The following SCRT2 variants were observed in gnomAD, a reference collection of about 807,000 sequenced individuals.
SCRT2 encodes transcriptional repressor scratch 2.
Under a neutral mutation model 3.7 loss-of-function variants are expected in SCRT2, and 2 were observed. The observed-to-expected ratio is 0.54, with a 90% CI of 0.22 to 1.70. The LOEUF (loss-of-function observed/expected upper bound fraction) is 1.70. SCRT2 is among the 40% of genes most tolerant of loss of function. The pLI, the probability that SCRT2 is intolerant of heterozygous loss-of-function variation, is 0.19. For missense variants in SCRT2, 456 were observed against 468.5 expected (o/e 0.97, Z 0.25); for synonymous variants, 256 against 220.6 (o/e 1.16, Z -1.42).
intron 1 of SCRT2, among the ~76,000 whole-genome samples, chr20:674,709 GTGTGTGTGTGTGTGTGTGTGTGTA>G (rs1018663781): frequency 4.6e-4 from 44 of 95,594 alleles, no homozygotes; most frequent in Admixed American, 3.5e-3. Context: ...GTGTGTGTGT[GTGTGTGTGTGTGTGTGTGTGTGTA>G]TGTGTAGTGA....
intron 1 of SCRT2, among the ~76,000 whole-genome samples, chr20:668,934 T>C (rs1984241331): frequency 6.6e-6 from 1 of 152,182 alleles, no homozygotes. Flanking sequence ...GACATTGCCC[T>C]GTGCCCAGAG....
At chr20:674,831 G>A (rs984562297) in intron 1 of SCRT2, among the ~76,000 whole-genome samples, 1 of 152,194 alleles carries the variant, frequency 6.6e-6, no homozygotes, top group Non-Finnish European at 1.5e-5. Flanking sequence ...AGGGGACCAG[G>A]AGCCACTTTG....
Position 663,847 on chromosome 20 carries a change from C to T in SCRT2, c.748G>A (p.Ala250Thr), listed in dbSNP as rs1241111930. Reference protein sequence around the residue: ...FGCAHCGKAFADRSNLRAHMQ... With the variant: ...FGCAHCGKAFTDRSNLRAHMQ... ...TGCGCGCGCAGGTTGGAGCGGTCGG[C>T]GAAGGCCTTGCCGCAGTGCGCGCAG... Residue 250 changes from alanine to threonine, a missense_variant, in exon 2 of 2, where the codon GCC (alanine) becomes ACC (threonine). Ala to Thr is a moderately conservative substitution (Grantham distance 58, BLOSUM62 0). This residue lies in a region of SCRT2 where 144 missense variants were observed against 141.9 expected (regional missense o/e 1.01). Transcript: ENST00000246104. This position sits in a 1 kb window ranked among gnomAD's most constrained non-coding sequence, Gnocchi z 6.9. The T allele has an allele frequency of 6.3e-7, 1 of 1,597,540 alleles. No homozygotes were observed. Among genetic ancestry groups the T allele is most frequent in the Non-Finnish European group, 8.5e-7 (1 of 1,174,370 alleles).
In SCRT2 at chr20:663,590, G is replaced by T; in HGVS notation, c.*81C>A. 1 of 1,241,542 alleles carries T rather than the reference G, an allele frequency of 8.1e-7. No individual in the cohort carries two copies. The highest frequency in any genetic ancestry group is 1.0e-6 in the Non-Finnish European group (1 of 978,598). 76.9% of individuals were successfully genotyped at this position (1,241,542 alleles called of 1,614,324 possible). The stretch of plus-strand genomic sequence containing the variant: ...TGGGCAGGGAAACGCAGCCGGGGCT[G>T]GGCGAGGGCGCTGCGGGCGCAGGTA... On this transcript the variant is annotated 3_prime_UTR_variant, in exon 2 of 2. Transcript: ENST00000246104. This position sits in a 1 kb window ranked among gnomAD's most constrained non-coding sequence, Gnocchi z 6.9.
rs1305479615 is a variant in SCRT2, at chr20:664,136, G to C, written c.459C>G (p.His153Gln). ...TGCCGCACTCGGCGCACGCGTGCCGGTGCCCGCCGCCCGCCTGCGCCCCCG... is the reference window on the plus strand; with the variant it reads ...TGCCGCACTCGGCGCACGCGTGCCGCTGCCCGCCGCCCGCCTGCGCCCCCG... ...GRAGAQAGGG[H>Q]RHACAECGKT... The change falls in exon 2 of 2, where the codon CAC (histidine) becomes CAG (glutamine). Residue 153 changes from histidine (H) to glutamine (Q), a missense_variant. His to Gln is a conservative substitution (Grantham distance 24, BLOSUM62 0). This residue lies in a region of SCRT2 where 306 missense variants were observed against 305.3 expected (regional missense o/e 1.00). Coordinates refer to ENST00000246104, the MANE Select transcript of SCRT2 (RefSeq NM_033129.4). The surrounding 1 kb of genome is among the most constrained non-coding windows in gnomAD (Gnocchi z 7.9). 2 of 1,466,132 alleles carry C rather than the reference G, an allele frequency of 1.4e-6. No individual in the cohort carries two copies. The highest frequency in any genetic ancestry group is 2.7e-5 in the South Asian group (2 of 75,368). The allele number at this position is 1,466,132 out of a possible 1,614,324, so 90.8% of individuals were successfully genotyped here. A position where few individuals can be genotyped will look rare whatever the true frequency, so the allele number is the denominator to read the frequency against.
Position 664,528 on chromosome 20 carries a change from C to G in SCRT2, c.134-67G>C, listed in dbSNP as rs2122342917. 8.8e-7 allele frequency: 1 copy of G among 1,141,078 alleles called. No homozygotes were observed. The highest frequency in any genetic ancestry group is 1.1e-6 in the Non-Finnish European group (1 of 902,452). The allele number at this position is 1,141,078 out of a possible 1,614,324, so 70.7% of individuals were successfully genotyped here. A position where few individuals can be genotyped will look rare whatever the true frequency, so the allele number is the denominator to read the frequency against. On this transcript the variant is annotated intron_variant, in intron 1 of 1. Coordinates refer to ENST00000246104, the MANE Select transcript of SCRT2 (RefSeq NM_033129.4). The surrounding 1 kb of genome is among the most constrained non-coding windows in gnomAD (Gnocchi z 7.9). ...CGAAGAGGGTTTCCCGCTTTGAGCG[C>G]GTCACCCTTTGCGCCTTCCAGCTTG...
intron 1 of SCRT2, among the ~76,000 whole-genome samples, chr20:674,397 TCTCA>T (rs1478304403): frequency 0.034 from 3,274 of 95,920 alleles, 87 homozygotes; most frequent in Admixed American, 0.12. Context: ...TCTCTCTCTC[TCTCA>T]CACACACACA....
rs952756850 is a variant in SCRT2 at position 664,037 on chromosome 20, G to A, written c.558C>T (p.Arg186=). The change falls in exon 2 of 2, where the codon CGC becomes CGT. Residue 186 remains arginine (R), a synonymous_variant. Transcript: ENST00000246104. This position sits in a 1 kb window ranked among gnomAD's most constrained non-coding sequence, Gnocchi z 7.9. The stretch of plus-strand genomic sequence containing the variant: ...AGGCCTTGCCGCACGTCGGGCATTT[G>A]CGCGCCAGCTGGCTGTCCAGGCTGC... ...THRSLDSQLA[R]KCPTCGKAYV... is the part of the protein sequence containing the mutation. 3 of 1,611,950 alleles carry A rather than the reference G, an allele frequency of 1.9e-6. No homozygotes were observed. In the African/African-American group the frequency reaches 4.0e-5, roughly 22 times the overall value.
In SCRT2 at chr20:675,635, C is replaced by G. The variant is rs745660639; in HGVS notation, c.-34G>C. 8 of 1,254,724 alleles carry G rather than the reference C, an allele frequency of 6.4e-6. No individual in the cohort carries two copies. The South Asian group carries it at 1.3e-4, about 21-fold the overall frequency. The allele number at this position is 1,254,724 out of a possible 1,614,324, so 77.7% of individuals were successfully genotyped here. A position where few individuals can be genotyped will look rare whatever the true frequency, so the allele number is the denominator to read the frequency against. ...CGGCGCGGGGCTCGGTGCGGGGAGG[C>G]GGCCGGCCGGGCGCGATCGGCTGTG... On this transcript the variant is annotated 5_prime_UTR_variant, in exon 1 of 2. Transcript: ENST00000246104. This position sits in a 1 kb window ranked among gnomAD's most constrained non-coding sequence, Gnocchi z 6.9.
In SCRT2 at chr20:663,544, G is replaced by A; in HGVS notation, c.*127C>T. ...GGGAGAAAAGTTCCGGGCCGGGCCG[G>A]GGGTCCCCACGAGAGGGTCATGGGC... On this transcript the variant is annotated 3_prime_UTR_variant, in exon 2 of 2. Coordinates refer to ENST00000246104, the MANE Select transcript of SCRT2 (RefSeq NM_033129.4). The surrounding 1 kb of genome is among the most constrained non-coding windows in gnomAD (Gnocchi z 6.9). 1.1e-6 allele frequency: 1 copy of A among 903,374 alleles called. No homozygotes were observed. Among genetic ancestry groups the A allele is most frequent in the Non-Finnish European group, 1.5e-6 (1 of 681,108 alleles). The allele number at this position is 903,374 out of a possible 1,614,324, so 56.0% of individuals were successfully genotyped here. A position where few individuals can be genotyped will look rare whatever the true frequency, so the allele number is the denominator to read the frequency against.
Position 662,948 on chromosome 20 carries a change from T to C in SCRT2, c.*723A>G, listed in dbSNP as rs1014540246. On this transcript the variant is annotated 3_prime_UTR_variant, in exon 2 of 2. Transcript: ENST00000246104. ...GGGCAGCTGGAGCTGGGGCTGGGAG[T>C]GGGTGATGAGATCCCCATGGACTGA... 2 of 152,038 alleles carry C rather than the reference T, an allele frequency of 1.3e-5. No individual in the cohort carries two copies. The highest frequency in any genetic ancestry group is 2.9e-5 in the Non-Finnish European group (2 of 68,324). The allele number at this position is 152,038 out of a possible 1,614,324, so 9.4% of individuals were successfully genotyped here.
In SCRT2 at chr20:664,334, C is replaced by T. The variant is rs1600471313; in HGVS notation, c.261G>A (p.Pro87=). ...APEEYSDPES[P]QSSLSARYFR... ...AGTAGCGCGCCGACAGGCTCGACTG[C>T]GGGCTTTCGGGGTCGCTGTACTCCT... Residue 87 remains proline, a synonymous_variant, in exon 2 of 2, where the codon CCG becomes CCA. Coordinates refer to ENST00000246104, the MANE Select transcript of SCRT2 (RefSeq NM_033129.4). The surrounding 1 kb of genome is among the most constrained non-coding windows in gnomAD (Gnocchi z 7.9). The T allele has an allele frequency of 3.3e-6, 5 of 1,500,470 alleles. No individual in the cohort carries two copies. The highest frequency in any genetic ancestry group is 2.5e-5 in the South Asian group (2 of 79,302). 92.9% of individuals were successfully genotyped at this position (1,500,470 alleles called of 1,614,324 possible). A position where few individuals can be genotyped will look rare whatever the true frequency, so the allele number is the denominator to read the frequency against.
rs1333447899 is a variant in SCRT2 at position 667,435 on chromosome 20, T to C, written c.134-2974A>G. On this transcript the variant is annotated intron_variant, in intron 1 of 1. Coordinates refer to ENST00000246104, the MANE Select transcript of SCRT2 (RefSeq NM_033129.4). The surrounding 1 kb of genome is among the most constrained non-coding windows in gnomAD (Gnocchi z 4.4). The stretch of plus-strand genomic sequence containing the variant: ...ATGGGTTTCTGTGCTGCAGCTTTCT[T>C]GGCATCTGCCCCAACACATCGTGCT... 6.6e-6 allele frequency among the ~76,000 whole-genome samples: 1 copy of C among 152,218 alleles called. No homozygotes were observed. The highest frequency in any genetic ancestry group is 1.5e-5 in the Non-Finnish European group (1 of 68,032).
chr20:664,325 G>T lies in SCRT2; in HGVS notation c.270C>A (p.Ser90Arg). ...EYSDPESPQS[S>R]LSARYFRGEA... ...CCCCTCGGAAGTAGCGCGCCGACAG[G>T]CTCGACTGCGGGCTTTCGGGGTCGC... is the stretch of plus-strand genomic sequence containing the variant. Residue 90 changes from serine to arginine, a missense_variant, in exon 2 of 2, where the codon AGC becomes AGA. By Grantham distance (110) the Ser-to-Arg change is moderately radical (BLOSUM62 -1). Transcript: ENST00000246104. This position sits in a 1 kb window ranked among gnomAD's most constrained non-coding sequence, Gnocchi z 7.9. 1 of 1,504,910 alleles carries T rather than the reference G, an allele frequency of 6.6e-7. No homozygotes were observed. The highest frequency in any genetic ancestry group is 8.9e-7 in the Non-Finnish European group (1 of 1,117,718). The allele number at this position is 1,504,910 out of a possible 1,614,324, so 93.2% of individuals were successfully genotyped here. A position where few individuals can be genotyped will look rare whatever the true frequency, so the allele number is the denominator to read the frequency against.
At position 664,645 on chromosome 20, in the gene SCRT2, G is replaced by A. The variant is rs957738093; in HGVS notation, c.134-184C>T. On this transcript the variant is annotated intron_variant, in intron 1 of 1. Coordinates refer to ENST00000246104, the MANE Select transcript of SCRT2 (RefSeq NM_033129.4). This position sits in a 1 kb window ranked among gnomAD's most constrained non-coding sequence, Gnocchi z 7.9. ...CCTGGGTTCAATTCCTTCCTCCATC[G>A]ACGGCAGTGCAAATAGCCGCCACCC... Among the ~76,000 whole-genome samples, 1 of 152,204 alleles carries A rather than the reference G, an allele frequency of 6.6e-6. No homozygotes were observed. Among genetic ancestry groups the A allele is most frequent in the African/African-American group, 2.4e-5 (1 of 41,452 alleles).
At chr20:668,974 G>A (rs1984243576) in intron 1 of SCRT2, among the ~76,000 whole-genome samples, 1 of 152,190 alleles carries the variant, frequency 6.6e-6, no homozygotes, top group Non-Finnish European at 1.5e-5. Flanking sequence ...TTTGCCCAAG[G>A]TCACTGAGAG....
chr20:661,940 C>G lies in SCRT2; in HGVS notation c.*1731G>C, dbSNP rs922036486. 1 of 152,704 alleles carries G rather than the reference C, an allele frequency of 6.5e-6. No homozygotes were observed. Among genetic ancestry groups the G allele is most frequent in the Non-Finnish European group, 1.5e-5 (1 of 68,094 alleles). The allele number at this position is 152,704 out of a possible 1,614,324, so 9.5% of individuals were successfully genotyped here. On this transcript the variant is annotated 3_prime_UTR_variant, in exon 2 of 2. Transcript: ENST00000246104. ...CTGCAGGGGTGCCTCCAGTCTCCCC[C>G]CTCTTTTGTGGCTAAGAGGAGGGGA... is the stretch of plus-strand genomic sequence containing the variant.
At position 663,692 on chromosome 20, in the gene SCRT2, G is replaced by A; in HGVS notation, c.903C>T (p.Thr301=). 1 of 1,509,144 alleles carries A rather than the reference G, an allele frequency of 6.6e-7. No homozygotes were observed. Among genetic ancestry groups the A allele is most frequent in the Non-Finnish European group, 8.8e-7 (1 of 1,129,970 alleles). The allele number at this position is 1,509,144 out of a possible 1,614,324, so 93.5% of individuals were successfully genotyped here. A position where few individuals can be genotyped will look rare whatever the true frequency, so the allele number is the denominator to read the frequency against. ...CAKAAEPPPP[T]PAGPAS is the part of the protein sequence containing the mutation. ...AGGCTCAGCTGGCCGGGCCGGCGGG[G>A]GTCGGCGGGGGTGGCTCGGCCGCCT... is the stretch of plus-strand genomic sequence containing the variant. The change falls in exon 2 of 2, where the codon ACC becomes ACT. Residue 301 remains threonine, a synonymous_variant. Coordinates refer to ENST00000246104, the MANE Select transcript of SCRT2 (RefSeq NM_033129.4). This position sits in a 1 kb window ranked among gnomAD's most constrained non-coding sequence, Gnocchi z 6.9.
intron 1 of SCRT2, among the ~76,000 whole-genome samples, chr20:673,595 C>T (rs1666257497): frequency 6.6e-6 from 1 of 152,186 alleles, no homozygotes; most frequent in Non-Finnish European, 1.5e-5. Context: ...GGTGTTAAAC[C>T]CGGTGGAACC....
Sources: gnomAD v4.1 joint callset for allele counts (sites outside exome capture counted in the v4.1 genomes callset) on GRCh38, gnomAD v4.1.1 for gene constraint, gnomAD v4.1.1 regional missense constraint, Gnocchi (gnomAD v3.1) non-coding constraint, MANE v1.5 for transcripts, NCBI Gene and HGNC (gene_info 2026-07-23, HGNC 2026-07-21) for gene names.